The following REDIC1 variants were observed in gnomAD, a reference collection of about 807,000 sequenced individuals.
REDIC1 encodes the protein HEI10 Interacting Protein 1.
At chr12:39,713,498 A>G in the REDIC1 span, among the ~76,000 whole-genome samples, 5 of 144,062 alleles carry the variant, frequency 3.5e-5, no homozygotes, top group Admixed American at 2.0e-4. Flanking sequence ...ATTTGTACAC[A>G]TACATATGTA....
chr12:39,719,792 G>C, the REDIC1 span, among the ~76,000 whole-genome samples: 2 of 151,818 alleles, frequency 1.3e-5, no homozygotes, highest in Non-Finnish European at 2.9e-5. Context: ...ATTTAATTGG[G>C]TATATATGAT....
chr12:39,803,702 A>G, the REDIC1 span, among the ~76,000 whole-genome samples: 1 of 152,144 alleles, frequency 6.6e-6, no homozygotes, highest in South Asian at 2.1e-4. Flanking sequence ...ATATGGCACT[A>G]AGAAATGAAA....
chr12:39,764,656 G>T, the REDIC1 span: 1 of 1,581,110 alleles, frequency 6.3e-7, no homozygotes, highest in Non-Finnish European at 8.6e-7. Context: ...TAGCATGTAA[G>T]AAATTTGAAA....
At chr12:39,753,796 C>G in the REDIC1 span, among the ~76,000 whole-genome samples, 1 of 152,126 alleles carries the variant, frequency 6.6e-6, no homozygotes, top group Non-Finnish European at 1.5e-5. Context: ...CATTGATAAC[C>G]TTCACTACAC....
chr12:39,730,625 G>A, the REDIC1 span, among the ~76,000 whole-genome samples: 13 of 152,030 alleles, frequency 8.6e-5, no homozygotes, highest in Non-Finnish European at 1.9e-4. Flanking sequence ...TGAATCTGAC[G>A]ACTACGTGTC....
At chr12:39,851,107 C>A in the REDIC1 span, among the ~76,000 whole-genome samples, 1 of 152,058 alleles carries the variant, frequency 6.6e-6, no homozygotes, top group East Asian at 1.9e-4. Context: ...ACTATGTTGG[C>A]CAGGCTGGTC....
the REDIC1 span, among the ~76,000 whole-genome samples, chr12:39,631,012 C>A: frequency 6.6e-6 from 1 of 152,058 alleles, no homozygotes; most frequent in African/African-American, 2.4e-5. Flanking sequence ...AATGAGCCTC[C>A]TCAGTAGCTG....
chr12:39,807,012 GACA>G, the REDIC1 span, among the ~76,000 whole-genome samples: 8 of 152,102 alleles, frequency 5.3e-5, no homozygotes, highest in Admixed American at 1.3e-4. Flanking sequence ...TTCTTGAGAT[GACA>G]ACGTTCCAGA....
chr12:39,665,297 C>T, the REDIC1 span, among the ~76,000 whole-genome samples: 7 of 152,160 alleles, frequency 4.6e-5, no homozygotes, highest in Non-Finnish European at 1.0e-4. Flanking sequence ...ATATGGCTAG[C>T]CAGTTTTCCC....
chr12:39,876,967 A>G, the REDIC1 span, among the ~76,000 whole-genome samples: 2 of 152,160 alleles, frequency 1.3e-5, no homozygotes, highest in Non-Finnish European at 2.9e-5. Flanking sequence ...TATCTAAGTT[A>G]TGTTCTTTAG....
the REDIC1 span, among the ~76,000 whole-genome samples, chr12:39,747,972 C>G: frequency 6.6e-6 from 1 of 152,198 alleles, no homozygotes; most frequent in African/African-American, 2.4e-5. Context: ...ACTGCAAAAT[C>G]TTGCCAAATT....
chr12:39,724,944 A>AATTTGAAGAGAT, the REDIC1 span, among the ~76,000 whole-genome samples: 1 of 152,128 alleles, frequency 6.6e-6, no homozygotes, highest in African/African-American at 2.4e-5. Context: ...ATAGAGGCAT[A>AATTTGAAGAGAT]ATTTGAAGAG....
chr12:39,687,378 G>A, the REDIC1 span, among the ~76,000 whole-genome samples: 1 of 152,186 alleles, frequency 6.6e-6, no homozygotes, highest in Non-Finnish European at 1.5e-5. Context: ...AGGATTCTGG[G>A]GAAGAATTGG....
the REDIC1 span, among the ~76,000 whole-genome samples, chr12:39,812,793 C>T: frequency 1.4e-5 from 2 of 145,598 alleles, no homozygotes; most frequent in Admixed American, 1.4e-4. Flanking sequence ...CAACATATGA[C>T]TTTAGGGGGT....
the REDIC1 span, among the ~76,000 whole-genome samples, chr12:39,889,985 C>G: frequency 1.3e-5 from 2 of 152,166 alleles, no homozygotes; most frequent in Non-Finnish European, 2.9e-5. Context: ...ATATTTTACA[C>G]TTCTACATAG....
chr12:39,895,149 G>A, the REDIC1 span, among the ~76,000 whole-genome samples: 1 of 152,040 alleles, frequency 6.6e-6, no homozygotes, highest in African/African-American at 2.4e-5. Flanking sequence ...GACTACAGGT[G>A]CATATCACTG....
chr12:39,780,628 G>A, the REDIC1 span, among the ~76,000 whole-genome samples: 1 of 152,166 alleles, frequency 6.6e-6, no homozygotes, highest in Non-Finnish European at 1.5e-5. Flanking sequence ...GCCTGGATGA[G>A]CTAGAAGTTA....
the REDIC1 span, among the ~76,000 whole-genome samples, chr12:39,841,636 A>C: frequency 2.0e-5 from 3 of 152,078 alleles, no homozygotes; most frequent in Non-Finnish European, 4.4e-5. Context: ...TAACTTTTTC[A>C]GTCTTGATAC....
At chr12:39,703,906 A>G in the REDIC1 span, among the ~76,000 whole-genome samples, 2 of 152,162 alleles carry the variant, frequency 1.3e-5, no homozygotes, top group Non-Finnish European at 2.9e-5. Context: ...CCTTCCTTAC[A>G]CCTCATACAA....
Sources: gnomAD v4.1 joint callset for allele counts (sites outside exome capture counted in the v4.1 genomes callset) on GRCh38, gnomAD v4.1.1 for gene constraint, MANE v1.5 for transcripts, NCBI Gene and HGNC (gene_info 2026-07-23, HGNC 2026-07-21) for gene names.